The following TMEM132D variants were observed in gnomAD, a reference collection of about 807,000 sequenced individuals.
TMEM132D encodes transmembrane protein 132D.
Under a neutral mutation model 62.3 loss-of-function variants are expected in TMEM132D, and 21 were observed. The observed-to-expected ratio is 0.34, with a 90% CI of 0.24 to 0.49. The LOEUF (loss-of-function observed/expected upper bound fraction) is 0.49, where lower values mean the gene tolerates loss of function less well. Among genes scored for constraint, TMEM132D ranks in the 20% least tolerant of loss-of-function variants. The pLI, the probability that TMEM132D is intolerant of heterozygous loss-of-function variation, is 0.99. For missense variants in TMEM132D, 1,346 were observed against 1,402.8 expected (o/e 0.96, Z 0.65); for synonymous variants, 621 against 575.6 (o/e 1.08, Z -1.13).
intron 3 of TMEM132D, among the ~76,000 whole-genome samples, chr12:129,344,808 G>A (rs1168785728): frequency 6.6e-6 from 1 of 151,876 alleles, no homozygotes; most frequent in African/African-American, 2.4e-5. Context: ...TTTCCTACGT[G>A]CCTCCCGATT....
In TMEM132D at chr12:129,642,794, G is replaced by A. The variant is rs59993241; in HGVS notation, c.968+57016C>T. Among the ~76,000 whole-genome samples, 459 of 152,152 alleles carry A rather than the reference G, an allele frequency of 3.0e-3. 11 individuals carry two copies. In the South Asian group the frequency reaches 0.042, roughly 14 times the overall value. Reference sequence around the variant, plus strand: ...AGCACTGTTAGAAAACTCTTCGCTTGGTGATGGTCTATCTTTACCTCCTGT... The same window carrying A: ...AGCACTGTTAGAAAACTCTTCGCTTAGTGATGGTCTATCTTTACCTCCTGT... On this transcript the variant is annotated intron_variant, in intron 2 of 8. Transcript: ENST00000422113.
chr12:129,681,541 C>T (rs899146616), intron 2 of TMEM132D: 1 of 152,198 alleles, frequency 6.6e-6, no homozygotes, highest in African/African-American at 2.4e-5. Flanking sequence ...CCCAGAAAAA[C>T]AGCTGGATTT....
intron 3 of TMEM132D, among the ~76,000 whole-genome samples, chr12:129,408,093 C>G (rs114755411): frequency 2.0e-5 from 3 of 152,032 alleles, no homozygotes; most frequent in East Asian, 1.9e-4. Flanking sequence ...GATCTCCCCC[C>G]TCTGGTTTAA....
chr12:129,887,242 C>T (rs929094416), intron 1 of TMEM132D, among the ~76,000 whole-genome samples: 2 of 152,108 alleles, frequency 1.3e-5, no homozygotes, highest in African/African-American at 2.4e-5. Flanking sequence ...CCCTGTCTAC[C>T]GTGGAGGCAG....
chr12:129,721,449 A>G (rs1868826232), intron 1 of TMEM132D, among the ~76,000 whole-genome samples: 1 of 152,148 alleles, frequency 6.6e-6, no homozygotes, highest in African/African-American at 2.4e-5. Flanking sequence ...GAACCTAATT[A>G]TGCTCCTGCC....
intron 1 of TMEM132D, among the ~76,000 whole-genome samples, chr12:129,765,193 T>G (rs1053494848): frequency 1.3e-5 from 2 of 152,322 alleles, no homozygotes; most frequent in East Asian, 3.9e-4. Flanking sequence ...ATCCTTCAGT[T>G]ATCTGATTCT....
intron 1 of TMEM132D, among the ~76,000 whole-genome samples, chr12:129,879,212 C>T (rs761248044): frequency 6.6e-6 from 1 of 152,226 alleles, no homozygotes; most frequent in Non-Finnish European, 1.5e-5. Context: ...ATCACAGTCT[C>T]ACTTCCCCAA....
chr12:129,829,630 C>T (rs756309049), intron 1 of TMEM132D, among the ~76,000 whole-genome samples: 2 of 152,148 alleles, frequency 1.3e-5, no homozygotes, highest in Non-Finnish European at 2.9e-5. Flanking sequence ...CCCGTGTTTT[C>T]CCTTCCTGCT....
chr12:129,742,364 T>C (rs545663911), intron 1 of TMEM132D, among the ~76,000 whole-genome samples: 129 of 152,208 alleles, frequency 8.5e-4, no homozygotes, highest in South Asian at 2.3e-3. Context: ...ACATGTCACA[T>C]GGTGAGAGAG....
At chr12:129,770,507 T>C (rs1054087861) in intron 1 of TMEM132D, among the ~76,000 whole-genome samples, 4 of 152,170 alleles carry the variant, frequency 2.6e-5, no homozygotes, top group Non-Finnish European at 4.4e-5. Flanking sequence ...ACATTGGAGA[T>C]AGAAATTCTT....
chr12:129,886,912 A>T (rs192478390), intron 1 of TMEM132D, among the ~76,000 whole-genome samples: 114 of 152,240 alleles, frequency 7.5e-4, no homozygotes, highest in African/African-American at 2.7e-3. Flanking sequence ...TGCTGCTGCC[A>T]TACGAAGAAC....
intron 4 of TMEM132D, among the ~76,000 whole-genome samples, chr12:129,330,071 G>A (rs775611155): frequency 2.2e-4 from 34 of 152,098 alleles, no homozygotes; most frequent in Non-Finnish European, 3.8e-4. Context: ...TGCCTTAATC[G>A]AGAAGATTTA....
chr12:129,824,736 C>T (rs1403003761), intron 1 of TMEM132D, among the ~76,000 whole-genome samples: 1 of 152,180 alleles, frequency 6.6e-6, no homozygotes, highest in Non-Finnish European at 1.5e-5. Context: ...AAATAAATGT[C>T]TGTTGTTTGA....
intron 2 of TMEM132D, among the ~76,000 whole-genome samples, chr12:129,621,180 A>T (rs1453738803): frequency 6.6e-6 from 1 of 151,934 alleles, no homozygotes; most frequent in Non-Finnish European, 1.5e-5. Flanking sequence ...TGTACTTTCT[A>T]GAAGGCACCA....
At chr12:129,744,423 C>T (rs1869708344) in intron 1 of TMEM132D, among the ~76,000 whole-genome samples, 1 of 152,114 alleles carries the variant, frequency 6.6e-6, no homozygotes, top group South Asian at 2.1e-4. Context: ...TTTCATATTG[C>T]CCCAGCTGGA....
Position 129,073,707 on chromosome 12 carries a change from G to T in TMEM132D, c.*168C>A. 1.7e-6 allele frequency: 1 copy of T among 577,222 alleles called. No individual in the cohort carries two copies. The highest frequency in any genetic ancestry group is 3.0e-6 in the Non-Finnish European group (1 of 333,550). The allele number at this position is 577,222 out of a possible 1,614,324, so 35.8% of individuals were successfully genotyped here. A position where few individuals can be genotyped will look rare whatever the true frequency, so the allele number is the denominator to read the frequency against. On this transcript the variant is annotated 3_prime_UTR_variant, in exon 9 of 9. Coordinates refer to ENST00000422113, the MANE Select transcript of TMEM132D (RefSeq NM_133448.3). Reference sequence around the variant, plus strand: ...TACTCTGGAATGTGTGCGTCGATGCGGACTCCAGGCCTCGCCGCCGAGCCG... The same window carrying T: ...TACTCTGGAATGTGTGCGTCGATGCTGACTCCAGGCCTCGCCGCCGAGCCG...
intron 1 of TMEM132D, among the ~76,000 whole-genome samples, chr12:129,858,651 G>T (rs1873769575): frequency 2.8e-5 from 1 of 35,636 alleles, no homozygotes; most frequent in Non-Finnish European, 6.2e-5. Flanking sequence ...CCTTGTAACA[G>T]AGTCCGGGGA....
chr12:129,653,800 G>A (rs139536326), intron 2 of TMEM132D, among the ~76,000 whole-genome samples: 170 of 152,264 alleles, frequency 1.1e-3, no homozygotes, highest in Middle Eastern at 6.8e-3. Context: ...TAGATCTTAC[G>A]TGAGCCGGTA....
At chr12:129,733,076 A>G (rs1303744680) in intron 1 of TMEM132D, among the ~76,000 whole-genome samples, 2 of 152,084 alleles carry the variant, frequency 1.3e-5, no homozygotes, top group Non-Finnish European at 2.9e-5. Flanking sequence ...TGTGTCCTTT[A>G]CCATAACATT....
Sources: allele counts gnomAD v4.1 joint callset (sites outside exome capture counted in the v4.1 genomes callset), GRCh38; gene constraint gnomAD v4.1.1; transcripts MANE v1.5; gene names NCBI Gene and HGNC (gene_info 2026-07-23, HGNC 2026-07-21).